The following USP48 variants were observed in gnomAD, a reference collection of about 807,000 sequenced individuals.
USP48 encodes the protein ubiquitin carboxyl-terminal hydrolase 48.
A neutral mutation model predicts 150.7 loss-of-function variants in USP48; 43 were observed. That is an observed-to-expected ratio of 0.29 (90% CI 0.22 to 0.37). The LOEUF (loss-of-function observed/expected upper bound fraction) is 0.37. Ranked by LOEUF, USP48 falls within the 10% of genes least tolerant of loss-of-function variation. The probability of loss-of-function intolerance (pLI) is 1.00; values close to 1 mark genes in which losing one functional copy is unlikely to be tolerated. For synonymous variants in USP48, 396 were observed against 425.9 expected, an observed-to-expected ratio of 0.93 and a Z score of 0.86; for missense variants, 813 against 1,249.6, an observed-to-expected ratio of 0.65 and a Z score of 5.27.
At chr1:21,763,174 T>C (rs1388739408) in intron 1 of USP48, among the ~76,000 whole-genome samples, 2 of 152,182 alleles carry the variant, frequency 1.3e-5, no homozygotes, top group African/African-American at 4.8e-5. Flanking sequence ...CAATCTGTAT[T>C]ATTAGGCCCC....
chr1:21,746,659 C>T (rs899814915), intron 8 of USP48, among the ~76,000 whole-genome samples: 6 of 152,064 alleles, frequency 3.9e-5, no homozygotes, highest in African/African-American at 1.2e-4. Context: ...AGCATAAATA[C>T]TGGAATTATG....
At chr1:21,733,987 G>T (rs929473585) in intron 9 of USP48, among the ~76,000 whole-genome samples, 6 of 152,038 alleles carry the variant, frequency 3.9e-5, no homozygotes, top group African/African-American at 1.2e-4. Flanking sequence ...TTTGTTCCTA[G>T]TAAGAATGTC....
At chr1:21,716,053 TAC>T (rs1200992232) in intron 14 of USP48, among the ~76,000 whole-genome samples, 2 of 152,184 alleles carry the variant, frequency 1.3e-5, no homozygotes. Context: ...GGCCATAACT[TAC>T]AGTTTGTAGT....
intron 1 of USP48, among the ~76,000 whole-genome samples, chr1:21,775,755 T>C (rs967924559): frequency 2.0e-5 from 3 of 152,190 alleles, no homozygotes; most frequent in Admixed American, 2.0e-4. Context: ...TGAAAATTCA[T>C]ATCAAGGCTG....
chr1:21,702,449 A>G (rs911352589), intron 21 of USP48, among the ~76,000 whole-genome samples: 21 of 151,842 alleles, frequency 1.4e-4, no homozygotes, highest in African/African-American at 5.1e-4. Flanking sequence ...TAACACCTCC[A>G]CTTCCCAAAC....
intron 9 of USP48, among the ~76,000 whole-genome samples, chr1:21,735,333 C>T (rs1357608071): frequency 6.6e-6 from 1 of 152,108 alleles, no homozygotes; most frequent in Admixed American, 6.6e-5. Context: ...GGCGTGGTAG[C>T]TCATGCCTTG....
At chr1:21,748,402 T>G in intron 6 of USP48, 131 bp from the exon 7 acceptor site, 1 of 789,228 alleles carries the variant, frequency 1.3e-6, no homozygotes, top group Non-Finnish European at 1.9e-6. Flanking sequence ...ACAGCTACTA[T>G]AAATAATGGA....
At chr1:21,699,126 T>C (rs372646472) in intron 22 of USP48, among the ~76,000 whole-genome samples, 1 of 150,858 alleles carries the variant, frequency 6.6e-6, no homozygotes, top group African/African-American at 2.4e-5. Flanking sequence ...ACCTCCCAGG[T>C]TGAAGCAATT....
chr1:21,743,366 A>T (rs1379671350), intron 8 of USP48, among the ~76,000 whole-genome samples: 2 of 152,214 alleles, frequency 1.3e-5, no homozygotes, highest in Non-Finnish European at 2.9e-5. Flanking sequence ...GTCCAAAGAC[A>T]TTGCAGGGTC....
chr1:21,776,234 G>A (rs1434344530), intron 1 of USP48, among the ~76,000 whole-genome samples: 1 of 152,116 alleles, frequency 6.6e-6, no homozygotes, highest in Non-Finnish European at 1.5e-5. Context: ...GTGGACAGAG[G>A]ATTTAGTACA....
Position 21,757,714 on chromosome 1 carries a change from A to G in USP48, c.204T>C (p.Asp68=), listed in dbSNP as rs1233203109. ...CATCGATGTTATGAAAACTATTTTCATCTATTTCTCCTAACCAAATATGCT... is the reference window on the plus strand; with the variant it reads ...CATCGATGTTATGAAAACTATTTTCGTCTATTTCTCCTAACCAAATATGCT... ...IGEHIWLGEI[D]ENSFHNIDDP... is the part of the protein sequence containing the mutation. Residue 68 remains aspartate, a synonymous_variant, in exon 2 of 27, where the codon GAT becomes GAC. Transcript: ENST00000308271. The G allele has an allele frequency of 1.2e-6, 2 of 1,613,172 alleles. No individual in the cohort carries two copies. The highest frequency in any genetic ancestry group is 1.7e-6 in the Non-Finnish European group (2 of 1,179,700).
intron 8 of USP48, 114 bp downstream of exon 8, chr1:21,746,953 G>T: frequency 1.3e-6 from 1 of 740,896 alleles, no homozygotes; most frequent in Non-Finnish European, 2.1e-6. Flanking sequence ...GGTTCCCAGA[G>T]AGAGATTAGC....
chr1:21,680,763 G>A (rs1489130019), intron 26 of USP48, 45 bp downstream of exon 26: 5 of 1,544,834 alleles, frequency 3.2e-6, no homozygotes, highest in African/African-American at 1.4e-5. Flanking sequence ...AAAATTACAG[G>A]ATGACTCTGA....
Position 21,728,072 on chromosome 1 carries a change from T to G in USP48, c.1450+498A>C, listed in dbSNP as rs112070362. The G allele has an allele frequency of 5.9e-4, 578 of 985,634 alleles. 4 individuals are homozygous for G. The African/African-American group carries it at 7.3e-3, about 12-fold the overall frequency. 61.1% of individuals were successfully genotyped at this position (985,634 alleles called of 1,614,324 possible). A position where few individuals can be genotyped will look rare whatever the true frequency, so the allele number is the denominator to read the frequency against. ...GATAAGCTGGATTATGTGGGATATT[T>G]CTAAGAAATCAGGGGTCAGCAGAAA... On this transcript the variant is annotated intron_variant, in intron 11 of 26. Transcript: ENST00000308271.
chr1:21,702,207 T>A (rs2097659078), intron 21 of USP48, among the ~76,000 whole-genome samples: 2 of 152,192 alleles, frequency 1.3e-5, no homozygotes, highest in Non-Finnish European at 2.9e-5. Context: ...GGCCTTAGTT[T>A]ATTTAGCTTG....
At chr1:21,741,122 T>C (rs2097780529) in intron 8 of USP48, among the ~76,000 whole-genome samples, 1 of 152,122 alleles carries the variant, frequency 6.6e-6, no homozygotes, top group South Asian at 2.1e-4. Flanking sequence ...GAATAATAAA[T>C]CAATTAAAAA....
intron 1 of USP48, among the ~76,000 whole-genome samples, chr1:21,758,247 C>G (rs2097841883): frequency 6.7e-6 from 1 of 148,770 alleles, no homozygotes; most frequent in Non-Finnish European, 1.5e-5. Flanking sequence ...TATCTATGAA[C>G]AGATATAAGG....
chr1:21,682,086 T>G (rs182716960), intron 25 of USP48, among the ~76,000 whole-genome samples: 4 of 152,296 alleles, frequency 2.6e-5, no homozygotes, highest in Non-Finnish European at 4.4e-5. Context: ...CTTTCTTGAT[T>G]TAATGTTTAA....
chr1:21,756,137 C>T (rs895856405), intron 3 of USP48, among the ~76,000 whole-genome samples: 3 of 150,084 alleles, frequency 2.0e-5, no homozygotes, highest in African/African-American at 7.4e-5. Flanking sequence ...TGCACTAGAG[C>T]GTGGGCAACA....
Sources: allele counts gnomAD v4.1 joint callset (sites outside exome capture counted in the v4.1 genomes callset), GRCh38; gene constraint gnomAD v4.1.1; transcripts MANE v1.5; gene names NCBI Gene and HGNC (gene_info 2026-07-23, HGNC 2026-07-21).